The following ZNF141 variants were observed in gnomAD, a reference collection of about 807,000 sequenced individuals.
ZNF141 encodes the protein zinc finger protein 141, also known as zinc finger protein 141 (clone pHZ-44).
A neutral mutation model predicts 11.3 loss-of-function variants in ZNF141; 7 were observed. The ratio of observed to expected loss-of-function variants is 0.62; its 90% CI spans 0.35 to 1.16. ZNF141 has a LOEUF of 1.16. Ranked by LOEUF, ZNF141 falls within the 50% of genes most tolerant of loss-of-function variation. The pLI is 0.02. For missense variants in ZNF141, 535 were observed against 554.0 expected, an observed-to-expected ratio of 0.97 and a Z score of 0.34; for synonymous variants, 183 against 190.7, an observed-to-expected ratio of 0.96 and a Z score of 0.33.
chr4:351,617 A>C (rs1358217963), intron 3 of ZNF141, among the ~76,000 whole-genome samples: 1 of 152,162 alleles, frequency 6.6e-6, no homozygotes, highest in Non-Finnish European at 1.5e-5. Flanking sequence ...ACTGAGTTTG[A>C]GGCATTTTCC....
At chr4:353,373 T>TAAAA (rs368418265) in intron 3 of ZNF141, among the ~76,000 whole-genome samples, 25,479 of 139,078 alleles carry the variant, frequency 0.18, 2,613 homozygotes, top group Non-Finnish European at 0.23. Context: ...AGACCCTGTC[T>TAAAA]AAAAAAAAAA....
At position 383,192 on chromosome 4, in the gene ZNF141, C is replaced by T. The variant is rs544491775; in HGVS notation, c.*9330C>T. On this transcript the variant is annotated 3_prime_UTR_variant, in exon 4 of 4. Transcript: ENST00000240499. The stretch of plus-strand genomic sequence containing the variant: ...CCTCAGTTTACAGACAGCTCACTCA[C>T]AGAAGCAGAGCCACCTAATTCACCA... 2 of 699,846 alleles carry T rather than the reference C, an allele frequency of 2.9e-6. No homozygotes were observed. The highest frequency in any genetic ancestry group is 3.5e-5 in the African/African-American group (2 of 57,156). 43.4% of individuals were successfully genotyped at this position (699,846 alleles called of 1,614,324 possible). A position where few individuals can be genotyped will look rare whatever the true frequency, so the allele number is the denominator to read the frequency against.
Position 382,858 on chromosome 4 carries a change from T to C in ZNF141, c.*8996T>C, listed in dbSNP as rs1211750428. ...AGCCAGCTGCTTAGTAGCTGTGGGA[T>C]AGTTACACAAGACACATCTACAAGA... On this transcript the variant is annotated 3_prime_UTR_variant, in exon 4 of 4. Transcript: ENST00000240499. 3 of 343,284 alleles carry C rather than the reference T, an allele frequency of 8.7e-6. No individual in the cohort carries two copies. The highest frequency in any genetic ancestry group is 1.6e-5 in the Non-Finnish European group (3 of 187,646). The allele number at this position is 343,284 out of a possible 1,614,324, so 21.3% of individuals were successfully genotyped here.
intron 3 of ZNF141, among the ~76,000 whole-genome samples, chr4:350,883 G>C (rs1247563278): frequency 1.3e-5 from 2 of 151,722 alleles, no homozygotes; most frequent in Non-Finnish European, 2.9e-5. Context: ...GGGATTACAG[G>C]TGCTTGCCAC....
intron 1 of ZNF141, 106 bp downstream of exon 1, chr4:338,092 T>G (rs1720876776): frequency 3.3e-6 from 5 of 1,523,326 alleles, no homozygotes; most frequent in Admixed American, 1.7e-5. Flanking sequence ...CTGCCGCCGC[T>G]CAGCCCTGGG....
intron 3 of ZNF141, among the ~76,000 whole-genome samples, chr4:356,850 T>A (rs1248588828): frequency 6.6e-6 from 1 of 152,314 alleles, no homozygotes; most frequent in Non-Finnish European, 1.5e-5. Flanking sequence ...ATTTTTGTTT[T>A]GTTTTTGTTG....
rs148508372 is a variant in ZNF141 at position 380,186 on chromosome 4, A to T, written c.*6324A>T. On this transcript the variant is annotated 3_prime_UTR_variant, in exon 4 of 4. Transcript: ENST00000240499. ...TTCCTCCCTTTTAACGTTGAATTGT[A>T]TTTCCTTGTGTATACCACGTTTTTG... 3.9e-5 allele frequency among the ~76,000 whole-genome samples: 6 copies of T among 152,234 alleles called. No individual in the cohort carries two copies. The East Asian group carries it at 9.7e-4, about 24-fold the overall frequency.
chr4:338,247 G>A (rs1395324822), intron 1 of ZNF141: 2 of 432,746 alleles, frequency 4.6e-6, no homozygotes, highest in African/African-American at 2.1e-5. Flanking sequence ...AGCTTATCTG[G>A]AAGCCGCCCG....
chr4:372,883 C>G lies in ZNF141; in HGVS notation c.446C>G (p.Ala149Gly). The G allele has an allele frequency of 6.2e-7, 1 of 1,613,246 alleles. No homozygotes were observed. The highest frequency in any genetic ancestry group is 8.5e-7 in the Non-Finnish European group (1 of 1,179,416). ...CAGAGCAAAATACTTCAGTGTAAAG[C>G]AAGTGTCAAAGTTGTTAGTAAATTT... ...TTQSKILQCK[A>G]SVKVVSKFSN... Residue 149 changes from alanine (A) to glycine (G), a missense_variant, in exon 4 of 4, where the codon GCA (alanine) becomes GGA (glycine). Coordinates refer to ENST00000240499, the MANE Select transcript of ZNF141 (RefSeq NM_003441.4).
At position 383,392 on chromosome 4, in the gene ZNF141, A is replaced by G. The variant is rs1712751773; in HGVS notation, c.*9530A>G. 4.7e-6 allele frequency: 2 copies of G among 428,360 alleles called. No homozygotes were observed. The highest frequency in any genetic ancestry group is 8.2e-6 in the Non-Finnish European group (2 of 242,920). 26.5% of individuals were successfully genotyped at this position (428,360 alleles called of 1,614,324 possible). A position where few individuals can be genotyped will look rare whatever the true frequency, so the allele number is the denominator to read the frequency against. ...AAAGACAGGATCTCAGGACAGATTG[A>G]TCACAAATAACCTGCAAATGCTTGC... On this transcript the variant is annotated 3_prime_UTR_variant, in exon 4 of 4. Coordinates refer to ENST00000240499, the MANE Select transcript of ZNF141 (RefSeq NM_003441.4).
intron 1 of ZNF141, among the ~76,000 whole-genome samples, 196 bp from the exon 2 acceptor site, chr4:343,586 G>T (rs192851739): frequency 6.6e-6 from 1 of 151,922 alleles, no homozygotes; most frequent in African/African-American, 2.4e-5. Context: ...TCAGCTGGGC[G>T]TGGTGGCGGG....
chr4:383,959 C>G lies in ZNF141; in HGVS notation c.*10097C>G, dbSNP rs1291664167. 6.6e-6 allele frequency: 1 copy of G among 152,288 alleles called. No individual in the cohort carries two copies. Among genetic ancestry groups the G allele is most frequent in the East Asian group, 1.9e-4 (1 of 5,202 alleles). The allele number at this position is 152,288 out of a possible 1,614,324, so 9.4% of individuals were successfully genotyped here. On this transcript the variant is annotated 3_prime_UTR_variant, in exon 4 of 4. Transcript: ENST00000240499. ...GAGTGCTTTCTCACTTTAATAAAAT[C>G]TTGCTTTTGCTATTCCCTTCCTGTT...
At chr4:366,348 G>C (rs1039578087) in intron 3 of ZNF141, among the ~76,000 whole-genome samples, 13 of 152,130 alleles carry the variant, frequency 8.5e-5, no homozygotes, top group Non-Finnish European at 1.6e-4. Context: ...TCACCCTGTT[G>C]CCCAGGCTGG....
intron 3 of ZNF141, among the ~76,000 whole-genome samples, chr4:354,266 G>C (rs1377489967): frequency 1.4e-5 from 2 of 145,070 alleles, no homozygotes. Flanking sequence ...TTCTTATTCT[G>C]CATTTTCCCC....
At chr4:369,764 A>ATATATATTTTTTT in intron 3 of ZNF141, among the ~76,000 whole-genome samples, 2 of 48,724 alleles carry the variant, frequency 4.1e-5, no homozygotes, top group African/African-American at 3.4e-4. Context: ...ATATATATAT[A>ATATATATTTTTTT]TTTTTTTTTT....
intron 3 of ZNF141, chr4:358,365 T>C (rs1394585521): frequency 2.1e-5 from 7 of 327,246 alleles, no homozygotes; most frequent in African/African-American, 9.2e-5. Context: ...TTTATATTTT[T>C]AGTAGAGATG....
rs1361259110 is a variant in ZNF141 at position 375,875 on chromosome 4, G to C, written c.*2013G>C. Among the ~76,000 whole-genome samples, 1 of 152,026 alleles carries C rather than the reference G, an allele frequency of 6.6e-6. No individual in the cohort carries two copies. The highest frequency in any genetic ancestry group is 1.5e-5 in the Non-Finnish European group (1 of 67,908). ...TACAAGAAAGAGTGAGGACAGAAATGAAAGATCCATGATGAAAATCTAGCA... is the reference window on the plus strand; with the variant it reads ...TACAAGAAAGAGTGAGGACAGAAATCAAAGATCCATGATGAAAATCTAGCA... On this transcript the variant is annotated 3_prime_UTR_variant, in exon 4 of 4. Transcript: ENST00000240499.
chr4:366,294 GT>G (rs1261981775), intron 3 of ZNF141, among the ~76,000 whole-genome samples: 1 of 152,054 alleles, frequency 6.6e-6, no homozygotes, highest in Non-Finnish European at 1.5e-5. Context: ...GTCTTTTTCA[GT>G]TTTTTATCAA....
chr4:351,940 T>C (rs894398377), intron 3 of ZNF141, among the ~76,000 whole-genome samples: 1 of 152,122 alleles, frequency 6.6e-6, no homozygotes. Context: ...TTTCTACATA[T>C]TGTCAAGTAA....
Sources: gnomAD v4.1 joint callset for allele counts (sites outside exome capture counted in the v4.1 genomes callset) on GRCh38, gnomAD v4.1.1 for gene constraint, MANE v1.5 for transcripts, NCBI Gene and HGNC (gene_info 2026-07-23, HGNC 2026-07-21) for gene names.